PIGL: variants seen among roughly 807,000 people sequenced by gnomAD.
PIGL encodes phosphatidylinositol glycan anchor biosynthesis class L.
In PIGL, 22 loss-of-function variants were observed where a neutral mutation model predicts 31.1. That is an observed-to-expected ratio of 0.71 (90% confidence interval 0.51 to 1.01). PIGL has a LOEUF of 1.01. Among genes scored for constraint, PIGL ranks in the 50% least tolerant of loss-of-function variants. PIGL has a pLI of 0.00. For missense variants in PIGL, 302 were observed against 315.9 expected (o/e 0.96, Z 0.33); for synonymous variants, 131 against 117.4 (o/e 1.12, Z -0.75).
At chr17:16,265,889 G>A (rs928021312) in intron 2 of PIGL, among the ~76,000 whole-genome samples, 10 of 151,960 alleles carry the variant, frequency 6.6e-5, no homozygotes, top group Admixed American at 1.3e-4. Context: ...AAGAGTAAAA[G>A]TCCTGAGTAT....
chr17:16,217,344 G>A lies in PIGL; in HGVS notation c.118G>A (p.Glu40Lys), dbSNP rs747465512. 5.0e-6 allele frequency: 8 copies of A among 1,614,078 alleles called. No homozygotes were observed. The highest frequency in any genetic ancestry group is 2.5e-6 in the Non-Finnish European group (3 of 1,180,036). The change falls in exon 1 of 7, where the codon GAA becomes AAA. Residue 40 changes from glutamate (E) to lysine (K), a missense_variant. By Grantham distance (56) the Glu-to-Lys change is moderately conservative (BLOSUM62 1). Coordinates refer to ENST00000225609, the MANE Select transcript of PIGL (RefSeq NM_004278.4). ...SREQGGRLGA[E>K]SRTLLVIAHP... ...GGAGCAGGGAGGACGGCTGGGAGCC[G>A]AAAGCCGGACCCTGCTGGTCATAGC...
Position 16,299,994 on chromosome 17 carries a change from C to T in PIGL, c.426+16C>T. ...CATCAATCTGGTAAGGGGGCAGCTC[C>T]CTGAATGGAAAACCTGAGGTCTTGG... On this transcript the variant is annotated intron_variant, in intron 3 of 6. Transcript: ENST00000225609. The T allele has an allele frequency of 2.5e-6, 4 of 1,600,894 alleles. No individual in the cohort carries two copies. The highest frequency in any genetic ancestry group is 3.4e-6 in the Non-Finnish European group (4 of 1,168,120).
At chr17:16,317,355 C>A in intron 5 of PIGL, 1 of 944,224 alleles carries the variant, frequency 1.1e-6, no homozygotes, top group Non-Finnish European at 1.3e-6. Context: ...ACACTATCAA[C>A]ACCAATTTAC....
chr17:16,297,267 C>G (rs752019266), intron 2 of PIGL, among the ~76,000 whole-genome samples: 4 of 152,166 alleles, frequency 2.6e-5, no homozygotes, highest in African/African-American at 7.2e-5. Flanking sequence ...GTGGAGCCAC[C>G]GAAAGAAAGG....
chr17:16,225,054 T>C lies in PIGL; in HGVS notation c.235+7593T>C, dbSNP rs563992169. 6.6e-4 allele frequency among the ~76,000 whole-genome samples: 101 copies of C among 152,344 alleles called. 2 individuals are homozygous for C. In the South Asian group the frequency reaches 0.021, roughly 31 times the overall value. On this transcript the variant is annotated intron_variant, in intron 1 of 6. Transcript: ENST00000225609. ...AGCCTTTCTGTCTCTGATACTATGG[T>C]ATGCTTCCATTTATTATATGTTGGC...
intron 2 of PIGL, among the ~76,000 whole-genome samples, chr17:16,237,400 G>A (rs1207715954): frequency 2.0e-5 from 3 of 151,266 alleles, no homozygotes; most frequent in Admixed American, 2.0e-4. Context: ...GAGCCACTGC[G>A]CCTGGCCTAT....
intron 2 of PIGL, 75 bp from the exon 3 acceptor site, chr17:16,299,813 A>T: frequency 3.0e-6 from 3 of 1,013,876 alleles, no homozygotes; most frequent in Non-Finnish European, 4.7e-6. Flanking sequence ...AAAACTGGGC[A>T]TGCACCTACT....
intron 4 of PIGL, among the ~76,000 whole-genome samples, chr17:16,315,558 C>G (rs2093071706): frequency 6.6e-6 from 1 of 152,096 alleles, no homozygotes; most frequent in African/African-American, 2.4e-5. Context: ...GCTATAAGCT[C>G]TACTTCCAGA....
intron 1 of PIGL, among the ~76,000 whole-genome samples, chr17:16,229,541 A>T (rs1046623911): frequency 1.4e-5 from 2 of 141,146 alleles, no homozygotes; most frequent in African/African-American, 2.6e-5. Context: ...CTGTATTTAA[A>T]TTTTTTGAGA....
At chr17:16,267,355 G>GGA (rs2092848674) in intron 2 of PIGL, among the ~76,000 whole-genome samples, 1 of 151,948 alleles carries the variant, frequency 6.6e-6, no homozygotes, top group African/African-American at 2.4e-5. Flanking sequence ...CGGAAGAGGT[G>GGA]GAGGAAGTGG....
At chr17:16,261,742 C>G (rs1156824681) in intron 2 of PIGL, among the ~76,000 whole-genome samples, 2 of 151,842 alleles carry the variant, frequency 1.3e-5, no homozygotes, top group Non-Finnish European at 2.9e-5. Flanking sequence ...GCTGAGACTA[C>G]AAGTGCGCAC....
chr17:16,322,002 T>G (rs2093108116), intron 6 of PIGL, among the ~76,000 whole-genome samples: 1 of 152,156 alleles, frequency 6.6e-6, no homozygotes, highest in African/African-American at 2.4e-5. Flanking sequence ...CAGGCTGGTC[T>G]CGAACTCCCG....
chr17:16,243,056 T>C lies in PIGL; in HGVS notation c.335+8986T>C, dbSNP rs1568790314. On this transcript the variant is annotated intron_variant, in intron 2 of 6. Transcript: ENST00000225609. Reference sequence around the variant, plus strand: ...CTGTGTTGTTACTGGTGTGTGTTTGTTTGTTTGTTTATGAGACGGAGTCTT... The same window carrying C: ...CTGTGTTGTTACTGGTGTGTGTTTGCTTGTTTGTTTATGAGACGGAGTCTT... Among the ~76,000 whole-genome samples, 3 of 152,228 alleles carry C rather than the reference T, an allele frequency of 2.0e-5. No individual in the cohort carries two copies. The East Asian group carries it at 5.8e-4, about 29-fold the overall frequency.
chr17:16,267,656 C>T (rs1303513313), intron 2 of PIGL, among the ~76,000 whole-genome samples: 3 of 149,598 alleles, frequency 2.0e-5, no homozygotes, highest in African/African-American at 7.5e-5. Flanking sequence ...GATGGTGTCA[C>T]TGCACTCCAG....
intron 2 of PIGL, among the ~76,000 whole-genome samples, chr17:16,284,219 T>C (rs974602863): frequency 2.0e-5 from 3 of 152,096 alleles, no homozygotes; most frequent in Non-Finnish European, 2.9e-5. Flanking sequence ...TCAGGTGATC[T>C]ACCCGCCTTG....
intron 6 of PIGL, 146 bp from the exon 7 acceptor site, chr17:16,325,654 C>T: frequency 3.1e-6 from 2 of 642,896 alleles, no homozygotes; most frequent in South Asian, 1.9e-5. Context: ...CAGAGAGGTT[C>T]GTGGGTTACA....
chr17:16,253,146 C>T (rs992395602), intron 2 of PIGL, among the ~76,000 whole-genome samples: 6 of 152,188 alleles, frequency 3.9e-5, no homozygotes, highest in East Asian at 1.9e-4. Flanking sequence ...CCCAGTTACC[C>T]GGGAGGCTGA....
intron 2 of PIGL, among the ~76,000 whole-genome samples, chr17:16,258,093 GAGAGAGAGAA>G (rs1192422108): frequency 9.0e-4 from 119 of 132,920 alleles, no homozygotes; most frequent in Non-Finnish European, 1.3e-3. Context: ...GAGAGAGAGA[GAGAGAGAGAA>G]AGAGAGAGAG....
chr17:16,217,483 G>T (rs753525073), intron 1 of PIGL, 22 bp downstream of exon 1: 2 of 1,574,450 alleles, frequency 1.3e-6, no homozygotes, highest in Non-Finnish European at 1.7e-6. Context: ...TAGGAGGGGC[G>T]ATGGGAGCCG....
Sources: allele counts gnomAD v4.1 joint callset (sites outside exome capture counted in the v4.1 genomes callset), GRCh38; gene constraint gnomAD v4.1.1; transcripts MANE v1.5; gene names NCBI Gene and HGNC (gene_info 2026-07-23, HGNC 2026-07-21).